Variants in DNM3 observed in about 807,000 individuals in gnomAD.
The protein encoded by DNM3 is dynamin 3, also known as dynamin-3.
A neutral mutation model predicts 101.6 loss-of-function variants in DNM3; 47 were observed. The ratio of observed to expected loss-of-function variants is 0.46; its 90% CI spans 0.37 to 0.59. The LOEUF (loss-of-function observed/expected upper bound fraction) is 0.59, where lower values mean the gene tolerates loss of function less well. DNM3 is among the 20% of genes least tolerant of loss of function. The pLI is 0.00. For synonymous variants in DNM3, 385 were observed against 387.9 expected (o/e 0.99, Z 0.09); for missense variants, 849 against 1,085.7 (o/e 0.78, Z 3.06).
intron 14 of DNM3, among the ~76,000 whole-genome samples, chr1:172,159,060 G>A (rs191359377): frequency 1.1e-4 from 17 of 152,140 alleles, no homozygotes; most frequent in Admixed American, 3.3e-4. Context: ...AATGAGAGAG[G>A]CAGTGAGTCA....
At chr1:172,300,073 G>T (rs2064363264) in intron 15 of DNM3, among the ~76,000 whole-genome samples, 1 of 152,020 alleles carries the variant, frequency 6.6e-6, no homozygotes, top group Admixed American at 6.6e-5. Flanking sequence ...TTTAGTAGTA[G>T]CCATTCTAAC....
intron 13 of DNM3, among the ~76,000 whole-genome samples, chr1:172,117,819 G>C (rs184375257): frequency 1.2e-4 from 19 of 152,274 alleles, no homozygotes; most frequent in Non-Finnish European, 2.8e-4. Context: ...ATCCTTAGAA[G>C]CACTGAAAAA....
At chr1:172,145,026 A>G (rs1433383566) in intron 14 of DNM3, among the ~76,000 whole-genome samples, 4 of 151,980 alleles carry the variant, frequency 2.6e-5, no homozygotes. Flanking sequence ...TTTTTTCCTC[A>G]ACTGGGCAGG....
chr1:172,079,394 T>A (rs2052950410), intron 11 of DNM3, among the ~76,000 whole-genome samples: 1 of 152,124 alleles, frequency 6.6e-6, no homozygotes, highest in South Asian at 2.1e-4. Context: ...ATATCCTTTT[T>A]TCTGCTTGAT....
chr1:171,943,088 G>A (rs188622112), intron 2 of DNM3, among the ~76,000 whole-genome samples: 1 of 151,776 alleles, frequency 6.6e-6, no homozygotes, highest in Admixed American at 6.6e-5. Context: ...CTCAGCCTGA[G>A]CAACAGAGTG....
intron 13 of DNM3, among the ~76,000 whole-genome samples, chr1:172,104,510 AT>A (rs1039493890): frequency 2.0e-5 from 3 of 151,976 alleles, no homozygotes; most frequent in African/African-American, 7.2e-5. Flanking sequence ...TCTCTTTGAT[AT>A]TTTTTAACTT....
intron 14 of DNM3, among the ~76,000 whole-genome samples, chr1:172,165,807 T>C (rs2058722595): frequency 6.6e-6 from 1 of 152,114 alleles, no homozygotes; most frequent in South Asian, 2.1e-4. Context: ...GTCTCATCTC[T>C]CCACTAGAAT....
chr1:172,042,640 A>T (rs1422113640), intron 8 of DNM3, among the ~76,000 whole-genome samples: 1 of 152,168 alleles, frequency 6.6e-6, no homozygotes, highest in Admixed American at 6.5e-5. Flanking sequence ...TGGCATGAAG[A>T]GGTCAACTGG....
chr1:172,055,379 C>G (rs928372875), intron 10 of DNM3, among the ~76,000 whole-genome samples: 1 of 152,004 alleles, frequency 6.6e-6, no homozygotes, highest in African/African-American at 2.4e-5. Context: ...AGTCTTTCTC[C>G]GACTTTTCTA....
At chr1:172,230,188 A>G (rs887699932) in intron 14 of DNM3, among the ~76,000 whole-genome samples, 2 of 152,156 alleles carry the variant, frequency 1.3e-5, no homozygotes, top group African/African-American at 2.4e-5. Context: ...AGAATGAGCG[A>G]GATTTATTAT....
chr1:171,976,215 C>T (rs1362067247), intron 2 of DNM3, among the ~76,000 whole-genome samples: 1 of 152,184 alleles, frequency 6.6e-6, no homozygotes, highest in Non-Finnish European at 1.5e-5. Context: ...TTCCACCATA[C>T]ACAAAAATTA....
intron 13 of DNM3, among the ~76,000 whole-genome samples, chr1:172,126,465 GTTA>G (rs2056622749): frequency 6.6e-6 from 1 of 152,020 alleles, no homozygotes; most frequent in Non-Finnish European, 1.5e-5. Context: ...AATTTTAACT[GTTA>G]TTAGTAAAAT....
chr1:172,379,707 A>G (rs2068794402), intron 18 of DNM3, among the ~76,000 whole-genome samples: 1 of 151,942 alleles, frequency 6.6e-6, no homozygotes, highest in Non-Finnish European at 1.5e-5. Flanking sequence ...AGTGAATTTT[A>G]TTTTTCTAAG....
rs76739114 is a variant in DNM3, at chr1:172,213,838, A to G, written c.1660-39735A>G. On this transcript the variant is annotated intron_variant, in intron 14 of 20. Coordinates refer to ENST00000627582, the MANE Select transcript of DNM3 (RefSeq NM_015569.5). ...GCAAGACTCTGTCTCAAAAAAAAAA[A>G]AAGCATATTGGCATCAGAGAAATTA... Among the ~76,000 whole-genome samples, 467 of 152,206 alleles carry G rather than the reference A, an allele frequency of 3.1e-3. 2 individuals are homozygous for G. The highest frequency in any genetic ancestry group is 0.011 in the African/African-American group (448 of 41,530).
intron 20 of DNM3, among the ~76,000 whole-genome samples, chr1:172,395,744 C>T (rs1205353998): frequency 1.3e-5 from 2 of 152,180 alleles, no homozygotes; most frequent in Non-Finnish European, 1.5e-5. Context: ...TAAGTGTTGT[C>T]GGGGGGAACC....
intron 14 of DNM3, among the ~76,000 whole-genome samples, chr1:172,175,734 A>G (rs2059133203): frequency 6.6e-6 from 1 of 151,830 alleles, no homozygotes; most frequent in Non-Finnish European, 1.5e-5. Context: ...TGTTGAAAGA[A>G]TTTTACATTG....
At chr1:172,412,851 C>CATT, downstream of DNM3, 1 of 691,224 alleles carries the variant, frequency 1.4e-6, no homozygotes, top group Non-Finnish European at 1.8e-6. Context: ...TAGCATTTTC[C>CATT]ATTTCTGTCA....
chr1:171,904,800 T>A (rs2038675481), intron 1 of DNM3, among the ~76,000 whole-genome samples: 1 of 152,114 alleles, frequency 6.6e-6, no homozygotes, highest in African/African-American at 2.4e-5. Context: ...AAGGTCCTTA[T>A]AGATAACTTG....
intron 1 of DNM3, among the ~76,000 whole-genome samples, chr1:171,850,532 C>T (rs1302778380): frequency 6.6e-6 from 1 of 152,090 alleles, no homozygotes; most frequent in Non-Finnish European, 1.5e-5. Flanking sequence ...TTTATAGATC[C>T]TAGCATTCAT....
Sources: gnomAD v4.1 joint callset for allele counts (sites outside exome capture counted in the v4.1 genomes callset) on GRCh38, gnomAD v4.1.1 for gene constraint, MANE v1.5 for transcripts, NCBI Gene and HGNC (gene_info 2026-07-23, HGNC 2026-07-21) for gene names.